GABRA3: variants seen among roughly 807,000 people sequenced by gnomAD.
The protein encoded by GABRA3 is gamma-aminobutyric acid type A receptor subunit alpha3.
Under a neutral mutation model 30.1 loss-of-function variants are expected in GABRA3, and 10 were observed. That is an observed-to-expected ratio of 0.33 (90% confidence interval 0.20 to 0.56). The LOEUF (loss-of-function observed/expected upper bound fraction) is 0.56. GABRA3 is among the 20% of genes least tolerant of loss of function. The pLI, the probability that GABRA3 is intolerant of heterozygous loss-of-function variation, is 0.89. For missense variants in GABRA3, 233 were observed against 392.0 expected (o/e 0.59, Z 3.42); for synonymous variants, 151 against 146.8 (o/e 1.03, Z -0.21).
chrX:152,242,316 A>G (rs1484466958), intron 5 of GABRA3, among the ~76,000 whole-genome samples: 1 of 111,471 alleles, frequency 9.0e-6, no homozygotes. Flanking sequence ...CTAGTAGAAG[A>G]AAACAGAGAG....
At chrX:152,433,784 GATA>G (rs1246056431) in intron 1 of GABRA3, among the ~76,000 whole-genome samples, 7 of 102,244 alleles carry the variant, frequency 6.8e-5, no homozygotes, top group African/African-American at 2.5e-4. Context: ...CTTTTACACA[GATA>G]ATGAGAAAAA....
intron 3 of GABRA3, among the ~76,000 whole-genome samples, chrX:152,326,855 A>G (rs1444342377): frequency 2.7e-5 from 3 of 111,061 alleles, no homozygotes; most frequent in African/African-American, 9.8e-5. Flanking sequence ...ACATAACAAT[A>G]TTATCCTTAA....
In GABRA3 at chrX:152,433,642, C is replaced by A. The variant is rs1602728135; in HGVS notation, c.-27+17504G>T. Among the ~76,000 whole-genome samples, 3 of 80,779 alleles carry A rather than the reference C, an allele frequency of 3.7e-5. No homozygotes were observed. The Admixed American group carries it at 4.1e-4, about 11-fold the overall frequency. The allele number at this position is 80,779 out of a possible 115,157, so 70.1% of individuals were successfully genotyped here. A position where few individuals can be genotyped will look rare whatever the true frequency, so the allele number is the denominator to read the frequency against. ...AATGAAGAGCAAATTAAACTCAAAG[C>A]AAACAAAAGGAAGGAAATAATAAAA... is the stretch of plus-strand genomic sequence containing the variant. On this transcript the variant is annotated intron_variant, in intron 1 of 9. Coordinates refer to ENST00000370314, the MANE Select transcript of GABRA3 (RefSeq NM_000808.4).
rs1386953549 is a variant in GABRA3, at chrX:152,315,981, C to G, written c.262+29600G>C. ...TAGGCCCGCCCCCCGACCCCCCCCC[C>G]CCCCACCACATGATCCTCTCCTGTA... On this transcript the variant is annotated intron_variant, in intron 3 of 9. Coordinates refer to ENST00000370314, the MANE Select transcript of GABRA3 (RefSeq NM_000808.4). 1.4e-4 allele frequency among the ~76,000 whole-genome samples: 12 copies of G among 87,368 alleles called. No individual in the cohort carries two copies. In the East Asian group the frequency reaches 1.6e-3, roughly 12 times the overall value. The allele number at this position is 87,368 out of a possible 115,157, so 75.9% of individuals were successfully genotyped here.
chrX:152,266,190 A>G (rs147628110), intron 4 of GABRA3, among the ~76,000 whole-genome samples: 1,961 of 111,922 alleles, frequency 0.018, 27 homozygotes, highest in Non-Finnish European at 0.027. Flanking sequence ...TAAAAAAACT[A>G]CAAGACAATA....
chrX:152,359,473 T>C (rs182998476), intron 2 of GABRA3, among the ~76,000 whole-genome samples: 1 of 111,486 alleles, frequency 9.0e-6, no homozygotes, highest in East Asian at 2.8e-4. Context: ...TAACTAGTGG[T>C]CTATCCATCT....
intron 1 of GABRA3, among the ~76,000 whole-genome samples, chrX:152,399,166 A>T (rs371235383): frequency 4.5e-5 from 5 of 111,625 alleles, no homozygotes; most frequent in Non-Finnish European, 7.5e-5. Context: ...GTGTGCCATC[A>T]CAGCCACTCA....
At chrX:152,331,577 C>T (rs1028870636) in intron 3 of GABRA3, among the ~76,000 whole-genome samples, 2 of 111,891 alleles carry the variant, frequency 1.8e-5, no homozygotes, top group Non-Finnish European at 3.8e-5. Flanking sequence ...ATATCAAATA[C>T]CACACTTAAT....
chrX:152,291,556 G>C (rs942730975), intron 3 of GABRA3, among the ~76,000 whole-genome samples: 2 of 111,708 alleles, frequency 1.8e-5, no homozygotes, highest in Admixed American at 1.9e-4. Context: ...ATGTTGAATA[G>C]GAGTGGTGGG....
chrX:152,261,093 T>C (rs1306383509), intron 4 of GABRA3, among the ~76,000 whole-genome samples: 1 of 110,172 alleles, frequency 9.1e-6, no homozygotes, highest in Non-Finnish European at 1.9e-5. Flanking sequence ...AAGCCACTTA[T>C]AAAACCATCA....
At chrX:152,310,215 A>G (rs750063159) in intron 3 of GABRA3, among the ~76,000 whole-genome samples, 29 of 112,354 alleles carry the variant, frequency 2.6e-4, no homozygotes, top group Non-Finnish European at 2.1e-4. Flanking sequence ...TGACAGTGTT[A>G]GAAAGATAAT....
At chrX:152,262,902 G>A (rs779715110) in intron 4 of GABRA3, among the ~76,000 whole-genome samples, 5 of 111,888 alleles carry the variant, frequency 4.5e-5, no homozygotes, top group East Asian at 5.6e-4. Context: ...AGACATATCC[G>A]AGACTGTAAC....
At chrX:152,284,980 C>G (rs1396971128) in intron 3 of GABRA3, among the ~76,000 whole-genome samples, 4 of 111,075 alleles carry the variant, frequency 3.6e-5, no homozygotes, top group African/African-American at 1.3e-4. Flanking sequence ...TAGATAGGGC[C>G]CTTAGAGATC....
At chrX:152,415,360 TA>T (rs1165495142) in intron 1 of GABRA3, among the ~76,000 whole-genome samples, 6 of 111,070 alleles carry the variant, frequency 5.4e-5, no homozygotes, top group Admixed American at 9.6e-5. Context: ...AAGCCAATTT[TA>T]AAAAAGTTAC....
At chrX:152,207,954 G>A (rs200593704) in intron 7 of GABRA3, 47 bp downstream of exon 7, 34 of 1,095,759 alleles carry the variant, frequency 3.1e-5, no homozygotes, top group Non-Finnish European at 4.1e-5. Flanking sequence ...TGACTGGCAT[G>A]TGGTATAGGT....
At chrX:152,342,174 T>C (rs1247497444) in intron 3 of GABRA3, among the ~76,000 whole-genome samples, 2 of 112,856 alleles carry the variant, frequency 1.8e-5, no homozygotes, top group Non-Finnish European at 3.7e-5. Flanking sequence ...CCCGGCCCTA[T>C]TGACTTTTTA....
chrX:152,329,890 T>C (rs1017465186), intron 3 of GABRA3, among the ~76,000 whole-genome samples: 1 of 111,538 alleles, frequency 9.0e-6, no homozygotes, highest in Non-Finnish European at 1.9e-5. Context: ...CAAAAGTAAC[T>C]ACCATCAGAG....
At chrX:152,218,688 A>C (rs1490141859) in intron 6 of GABRA3, among the ~76,000 whole-genome samples, 3 of 111,065 alleles carry the variant, frequency 2.7e-5, no homozygotes, top group Non-Finnish European at 5.7e-5. Context: ...TTTCTGATGG[A>C]TTGACCTTTT....
chrX:152,207,836 A>T (rs760395159), intron 7 of GABRA3, among the ~76,000 whole-genome samples, 165 bp downstream of exon 7: 21 of 112,358 alleles, frequency 1.9e-4, no homozygotes, highest in Non-Finnish European at 5.6e-5. Flanking sequence ...CATAACTGTG[A>T]CAAGGAGCAA....
Sources: gnomAD v4.1 joint callset for allele counts (sites outside exome capture counted in the v4.1 genomes callset) on GRCh38, gnomAD v4.1.1 for gene constraint, MANE v1.5 for transcripts, NCBI Gene and HGNC (gene_info 2026-07-23, HGNC 2026-07-21) for gene names.